Variants in DNER observed in about 807,000 individuals in gnomAD.
DNER encodes the protein delta and Notch-like epidermal growth factor-related receptor.
In DNER, 33 loss-of-function variants were observed where a neutral mutation model predicts 78.2. That is an observed-to-expected ratio of 0.42 (90% CI 0.32 to 0.56). The LOEUF (loss-of-function observed/expected upper bound fraction) is 0.56, where lower values mean the gene tolerates loss of function less well. Among genes scored for constraint, DNER ranks in the 20% least tolerant of loss-of-function variants. The probability of loss-of-function intolerance (pLI) is 0.11; values close to 1 mark genes in which losing one functional copy is unlikely to be tolerated. For missense variants in DNER, 918 were observed against 975.3 expected, an observed-to-expected ratio of 0.94 and a Z score of 0.78; for synonymous variants, 417 against 384.8, an observed-to-expected ratio of 1.08 and a Z score of -0.98.
chr2:229,448,366 G>A (rs907735240), intron 7 of DNER, among the ~76,000 whole-genome samples: 2 of 152,202 alleles, frequency 1.3e-5, no homozygotes, highest in Non-Finnish European at 2.9e-5. Flanking sequence ...TGGCTGGGCC[G>A]GAAAGAGGAG....
At chr2:229,446,844 A>AT (rs1171842719) in intron 8 of DNER, among the ~76,000 whole-genome samples, 1 of 152,228 alleles carries the variant, frequency 6.6e-6, no homozygotes, top group Non-Finnish European at 1.5e-5. Context: ...ATTTTAATAG[A>AT]TGACACAATT....
chr2:229,476,044 A>C (rs1695028473), intron 7 of DNER, among the ~76,000 whole-genome samples: 1 of 152,170 alleles, frequency 6.6e-6, no homozygotes, highest in African/African-American at 2.4e-5. Flanking sequence ...GCTGAGCCTA[A>C]ATTGCAAAAG....
chr2:229,546,825 AC>A, intron 5 of DNER, 121 bp downstream of exon 5: 1 of 1,390,438 alleles, frequency 7.2e-7, no homozygotes, highest in South Asian at 1.3e-5. Context: ...AGACAGACAG[AC>A]AGACAGATAG....
At chr2:229,418,318 A>G (rs1364261290) in intron 8 of DNER, 88 bp from the exon 9 acceptor site, 50 of 1,557,364 alleles carry the variant, frequency 3.2e-5, no homozygotes, top group Non-Finnish European at 3.9e-5. Context: ...AGTTGGGGGT[A>G]TTCATTAGAA....
chr2:229,370,468 T>C (rs1420632365), intron 11 of DNER, among the ~76,000 whole-genome samples: 1 of 152,154 alleles, frequency 6.6e-6, no homozygotes, highest in Non-Finnish European at 1.5e-5. Context: ...CCAACTCACA[T>C]ACAGGCAGAC....
At chr2:229,489,576 C>T (rs1695350781) in intron 6 of DNER, among the ~76,000 whole-genome samples, 1 of 151,810 alleles carries the variant, frequency 6.6e-6, no homozygotes, top group African/African-American at 2.4e-5. Flanking sequence ...GAGGAGTCGG[C>T]AGACACATTG....
At chr2:229,519,072 A>G (rs1315372083) in intron 5 of DNER, among the ~76,000 whole-genome samples, 1 of 151,848 alleles carries the variant, frequency 6.6e-6, no homozygotes, top group Non-Finnish European at 1.5e-5. Context: ...TCTAACTTGG[A>G]CAATGCCTTC....
chr2:229,672,241 T>C (rs1025657812), intron 1 of DNER, among the ~76,000 whole-genome samples: 4 of 151,986 alleles, frequency 2.6e-5, no homozygotes, highest in Non-Finnish European at 5.9e-5. Context: ...CTGTCTGGGG[T>C]AGCTGAGGTA....
intron 7 of DNER, among the ~76,000 whole-genome samples, chr2:229,454,478 T>C (rs1694528543): frequency 6.6e-6 from 1 of 152,206 alleles, no homozygotes; most frequent in Non-Finnish European, 1.5e-5. Context: ...TTTTTTATTA[T>C]TATTAAAATT....
chr2:229,619,150 T>TAC (rs67363480), intron 1 of DNER, among the ~76,000 whole-genome samples: 3,694 of 150,030 alleles, frequency 0.025, 99 homozygotes, highest in African/African-American at 0.066. Flanking sequence ...AAAAAATTTA[T>TAC]ACACACACAC....
intron 6 of DNER, among the ~76,000 whole-genome samples, chr2:229,511,738 T>C (rs902027892): frequency 6.6e-6 from 1 of 152,238 alleles, no homozygotes; most frequent in Non-Finnish European, 1.5e-5. Flanking sequence ...ACTTGTGGAA[T>C]TGTTTTTAAC....
At chr2:229,583,433 A>G (rs1273207975) in intron 4 of DNER, among the ~76,000 whole-genome samples, 4 of 152,236 alleles carry the variant, frequency 2.6e-5, no homozygotes, top group Non-Finnish European at 4.4e-5. Context: ...TGAATACTGT[A>G]TTGAAAGTAA....
intron 3 of DNER, among the ~76,000 whole-genome samples, chr2:229,587,654 A>G (rs150428761): frequency 1.3e-3 from 191 of 152,326 alleles, no homozygotes; most frequent in Non-Finnish European, 2.0e-3. Flanking sequence ...CTTAGGTTGC[A>G]TGGAAAGTGT....
At chr2:229,394,392 G>A (rs1693087242) in intron 10 of DNER, among the ~76,000 whole-genome samples, 1 of 152,218 alleles carries the variant, frequency 6.6e-6, no homozygotes, top group African/African-American at 2.4e-5. Flanking sequence ...CTCTTCGTAA[G>A]TCCCTATTAA....
At chr2:229,689,528 GA>G (rs368820466) in intron 1 of DNER, among the ~76,000 whole-genome samples, 1 of 151,078 alleles carries the variant, frequency 6.6e-6, no homozygotes, top group Non-Finnish European at 1.5e-5. Flanking sequence ...CATCAAGTCA[GA>G]AAAAAAAATA....
At chr2:229,622,955 G>A (rs559228184) in intron 1 of DNER, among the ~76,000 whole-genome samples, 8 of 152,286 alleles carry the variant, frequency 5.3e-5, no homozygotes, top group Admixed American at 1.3e-4. Flanking sequence ...CTGAGTTTGT[G>A]GCACTTTGCA....
At chr2:229,673,156 G>A (rs1403172194) in intron 1 of DNER, among the ~76,000 whole-genome samples, 4 of 152,226 alleles carry the variant, frequency 2.6e-5, no homozygotes, top group African/African-American at 9.7e-5. Context: ...AACGTGATGT[G>A]AAAGTGGCAG....
intron 7 of DNER, among the ~76,000 whole-genome samples, chr2:229,454,068 G>A (rs1694518702): frequency 6.6e-6 from 1 of 152,130 alleles, no homozygotes; most frequent in Admixed American, 6.5e-5. Flanking sequence ...TGCAAGATGA[G>A]AGACGGCATG....
chr2:229,651,667 T>C (rs1332921238), intron 1 of DNER, among the ~76,000 whole-genome samples: 3 of 152,188 alleles, frequency 2.0e-5, no homozygotes, highest in African/African-American at 7.2e-5. Flanking sequence ...AGACAGCACA[T>C]TGGAACAGAA....
Sources: allele counts gnomAD v4.1 joint callset (sites outside exome capture counted in the v4.1 genomes callset), GRCh38; gene constraint gnomAD v4.1.1; transcripts MANE v1.5; gene names NCBI Gene and HGNC (gene_info 2026-07-23, HGNC 2026-07-21).